EPHA7: variants seen among roughly 807,000 people sequenced by gnomAD.
The protein encoded by EPHA7 is ephrin type-A receptor 7.
EPHA7 carries 25 observed loss-of-function variants against 112.6 expected under a neutral mutation model. That is an observed-to-expected ratio of 0.22 (90% CI 0.16 to 0.31). The LOEUF is 0.31. EPHA7 is among the 10% of genes least tolerant of loss of function. The probability of loss-of-function intolerance (pLI) is 1.00; values close to 1 mark genes in which losing one functional copy is unlikely to be tolerated. For synonymous variants in EPHA7, 437 were observed against 406.5 expected, an observed-to-expected ratio of 1.07 and a Z score of -0.90; for missense variants, 962 against 1,212.6, an observed-to-expected ratio of 0.79 and a Z score of 3.07.
chr6:93,285,338 G>T (rs144155650), intron 5 of EPHA7, among the ~76,000 whole-genome samples: 1 of 152,272 alleles, frequency 6.6e-6, no homozygotes, highest in African/African-American at 2.4e-5. Context: ...GGCTTATAAT[G>T]AATAGTTATA....
chr6:93,375,582 G>A (rs1777017380), intron 3 of EPHA7, among the ~76,000 whole-genome samples: 1 of 148,334 alleles, frequency 6.7e-6, no homozygotes, highest in Non-Finnish European at 1.5e-5. Context: ...GAGAGACCTT[G>A]ACTCAAAAAA....
chr6:93,370,537 C>G (rs993414965), intron 3 of EPHA7, among the ~76,000 whole-genome samples: 19 of 152,080 alleles, frequency 1.2e-4, no homozygotes, highest in Non-Finnish European at 2.6e-4. Flanking sequence ...CTTACTGGCT[C>G]TCTTTTAAAT....
intron 3 of EPHA7, among the ~76,000 whole-genome samples, chr6:93,368,125 T>A (rs3799809): frequency 0.095 from 14,429 of 152,150 alleles, 888 homozygotes; most frequent in East Asian, 0.3. Context: ...ATTATCCTTT[T>A]GACCACTGGC....
At chr6:93,416,229 A>T (rs1421496032) in intron 1 of EPHA7, among the ~76,000 whole-genome samples, 3 of 152,222 alleles carry the variant, frequency 2.0e-5, no homozygotes, top group Non-Finnish European at 4.4e-5. Flanking sequence ...ATAAAAAGTA[A>T]TTTTTAAAGT....
At chr6:93,400,992 C>T (rs1386081044) in intron 3 of EPHA7, among the ~76,000 whole-genome samples, 1 of 152,024 alleles carries the variant, frequency 6.6e-6, no homozygotes, top group Non-Finnish European at 1.5e-5. Flanking sequence ...ATCTCTTCTC[C>T]AGATCTAGGT....
At chr6:93,372,883 A>T (rs1057315449) in intron 3 of EPHA7, among the ~76,000 whole-genome samples, 4 of 152,080 alleles carry the variant, frequency 2.6e-5, no homozygotes, top group African/African-American at 9.6e-5. Context: ...TATCTATATC[A>T]TGATTTCATT....
intron 3 of EPHA7, among the ~76,000 whole-genome samples, chr6:93,397,750 C>T (rs902643369): frequency 9.2e-5 from 14 of 151,854 alleles, no homozygotes; most frequent in Admixed American, 3.9e-4. Context: ...ACATTGTTTT[C>T]TGTGTAAATT....
intron 5 of EPHA7, among the ~76,000 whole-genome samples, chr6:93,338,164 A>G (rs1582549286): frequency 6.6e-6 from 1 of 152,126 alleles, no homozygotes. Context: ...GCGGTTAAGG[A>G]AAGTCTGGGA....
Position 93,410,405 on chromosome 6 carries a change from G to C in EPHA7, c.832+96C>G. On this transcript the variant is annotated intron_variant, in intron 3 of 16. Coordinates refer to ENST00000369303, the MANE Select transcript of EPHA7 (RefSeq NM_004440.4). The surrounding 1 kb of genome is among the most constrained non-coding windows in gnomAD (Gnocchi z 4.0). ...TACTGAATTGCGCTTCTGGTACAGAGCAGATTCACGTATTCAAATAACTAT... is the reference window on the plus strand; with the variant it reads ...TACTGAATTGCGCTTCTGGTACAGACCAGATTCACGTATTCAAATAACTAT... 4 of 1,141,704 alleles carry C rather than the reference G, an allele frequency of 3.5e-6. No homozygotes were observed. Among genetic ancestry groups the C allele is most frequent in the Non-Finnish European group, 1.3e-6 (1 of 798,804 alleles). The allele number at this position is 1,141,704 out of a possible 1,614,324, so 70.7% of individuals were successfully genotyped here. A position where few individuals can be genotyped will look rare whatever the true frequency, so the allele number is the denominator to read the frequency against.
At chr6:93,343,409 G>A (rs1775236536) in intron 5 of EPHA7, among the ~76,000 whole-genome samples, 1 of 151,692 alleles carries the variant, frequency 6.6e-6, no homozygotes, top group African/African-American at 2.4e-5. Flanking sequence ...ACATGATGTA[G>A]ATTTTAGATA....
chr6:93,259,990 C>T (rs1217725288), intron 9 of EPHA7, among the ~76,000 whole-genome samples: 3 of 151,866 alleles, frequency 2.0e-5, no homozygotes, highest in Non-Finnish European at 4.4e-5. Context: ...AAAGACCAAC[C>T]ACCGTTGATA....
intron 5 of EPHA7, among the ~76,000 whole-genome samples, chr6:93,309,575 T>C (rs1394426497): frequency 6.6e-6 from 1 of 152,166 alleles, no homozygotes; most frequent in Non-Finnish European, 1.5e-5. Context: ...CTAATTAAAA[T>C]ATCTTTATTA....
At chr6:93,403,978 G>A (rs902177296) in intron 3 of EPHA7, among the ~76,000 whole-genome samples, 4 of 151,972 alleles carry the variant, frequency 2.6e-5, no homozygotes, top group African/African-American at 4.8e-5. Flanking sequence ...ATGAGACATC[G>A]TAGAAATATC....
At chr6:93,303,221 CTCTG>C (rs879913590) in intron 5 of EPHA7, among the ~76,000 whole-genome samples, 4 of 152,102 alleles carry the variant, frequency 2.6e-5, no homozygotes, top group Non-Finnish European at 5.9e-5. Context: ...CTGAACACTC[CTCTG>C]TCTATTACAC....
chr6:93,311,101 A>C (rs1773511156), intron 5 of EPHA7, among the ~76,000 whole-genome samples: 1 of 129,838 alleles, frequency 7.7e-6, no homozygotes, highest in Non-Finnish European at 1.6e-5. Context: ...AGGCATGTGC[A>C]TCATGCCCAG....
intron 3 of EPHA7, among the ~76,000 whole-genome samples, chr6:93,369,629 C>T (rs1258560219): frequency 1.3e-5 from 2 of 152,174 alleles, no homozygotes; most frequent in Non-Finnish European, 1.5e-5. Context: ...CAACATACCA[C>T]CACTATGTCA....
At chr6:93,280,447 G>A (rs1393958673) in intron 5 of EPHA7, among the ~76,000 whole-genome samples, 1 of 152,130 alleles carries the variant, frequency 6.6e-6, no homozygotes, top group East Asian at 1.9e-4. Flanking sequence ...ACAACTCCTT[G>A]AATCATTCTT....
At chr6:93,376,337 TG>T (rs1777057893) in intron 3 of EPHA7, among the ~76,000 whole-genome samples, 1 of 151,914 alleles carries the variant, frequency 6.6e-6, no homozygotes, top group African/African-American at 2.4e-5. Flanking sequence ...GACAAGGCCT[TG>T]CTATATTGCT....
chr6:93,303,176 T>C (rs1773078360), intron 5 of EPHA7, among the ~76,000 whole-genome samples: 2 of 152,140 alleles, frequency 1.3e-5, no homozygotes, highest in Non-Finnish European at 1.5e-5. Context: ...AACTTCATCT[T>C]TACATTTGCT....
Sources: allele counts gnomAD v4.1 joint callset (sites outside exome capture counted in the v4.1 genomes callset), GRCh38; gene constraint gnomAD v4.1.1; non-coding constraint Gnocchi (gnomAD v3.1); transcripts MANE v1.5; gene names NCBI Gene and HGNC (gene_info 2026-07-23, HGNC 2026-07-21).